OR1J2: variants seen among roughly 807,000 people sequenced by gnomAD.
The protein encoded by OR1J2 is olfactory receptor family 1 subfamily J member 2.
For missense variants in OR1J2, 304 were observed against 246.1 expected, an observed-to-expected ratio of 1.24 and a Z score of -1.57; for synonymous variants, 142 against 99.7, an observed-to-expected ratio of 1.42 and a Z score of -2.52.
the OR1J2 span, among the ~76,000 whole-genome samples, chr9:122,474,554 C>T: frequency 6.6e-6 from 1 of 152,114 alleles, no homozygotes; most frequent in Non-Finnish European, 1.5e-5. Flanking sequence ...GTGAAAGTTG[C>T]AGGTATCAGG....
chr9:122,479,427 A>G, the OR1J2 span, among the ~76,000 whole-genome samples: 1 of 152,332 alleles, frequency 6.6e-6, no homozygotes, highest in South Asian at 2.1e-4. Flanking sequence ...TCATTTCTAT[A>G]TGACATCAGA....
At chr9:122,545,456 C>T in the OR1J2 span, among the ~76,000 whole-genome samples, 2 of 152,066 alleles carry the variant, frequency 1.3e-5, no homozygotes, top group African/African-American at 4.8e-5. Context: ...CCATTTCTCC[C>T]TTTAATTCTT....
the OR1J2 span, chr9:122,553,812 A>C: frequency 6.8e-6 from 11 of 1,613,904 alleles, no homozygotes; most frequent in South Asian, 9.9e-5. Flanking sequence ...AAACGAGCTG[A>C]TGATCATCAC....
chr9:122,553,925 G>T, the OR1J2 span: 1 of 1,613,862 alleles, frequency 6.2e-7, no homozygotes, highest in Admixed American at 1.7e-5. Flanking sequence ...GAGGGAGATG[G>T]AAGGCCTTCT....
downstream of OR1J2, among the ~76,000 whole-genome samples, chr9:122,513,373 G>A (rs1828662599): frequency 6.6e-6 from 1 of 152,156 alleles, no homozygotes; most frequent in Non-Finnish European, 1.5e-5. Context: ...ATCTATGTGT[G>A]GAATATTGCA....
the OR1J2 span, among the ~76,000 whole-genome samples, chr9:122,479,102 C>A: frequency 6.6e-6 from 1 of 152,088 alleles, no homozygotes; most frequent in South Asian, 2.1e-4. Context: ...CAATGTGTAG[C>A]GCGAAAACAT....
the OR1J2 span, among the ~76,000 whole-genome samples, chr9:122,499,670 A>G: frequency 6.6e-6 from 1 of 152,234 alleles, no homozygotes. Flanking sequence ...CCAGGTGAAC[A>G]GGTGCTCTGA....
At chr9:122,563,752 C>T in the OR1J2 span, among the ~76,000 whole-genome samples, 9 of 152,242 alleles carry the variant, frequency 5.9e-5, no homozygotes, top group Non-Finnish European at 1.3e-4. Context: ...TCAGGTCTTA[C>T]AGTCAAGTTG....
chr9:122,498,228 GTTGT>G, the OR1J2 span, among the ~76,000 whole-genome samples: 2 of 152,036 alleles, frequency 1.3e-5, no homozygotes, highest in Non-Finnish European at 1.5e-5. Context: ...TATTTTCCAG[GTTGT>G]TTGTTTGTTT....
At chr9:122,545,434 T>G in the OR1J2 span, among the ~76,000 whole-genome samples, 1 of 152,176 alleles carries the variant, frequency 6.6e-6, no homozygotes, top group African/African-American at 2.4e-5. Context: ...CTAGATATAA[T>G]TGTGTAATTT....
At chr9:122,523,315 C>T in the OR1J2 span, among the ~76,000 whole-genome samples, 1 of 152,028 alleles carries the variant, frequency 6.6e-6, no homozygotes, top group Non-Finnish European at 1.5e-5. Flanking sequence ...GACAGGGAGA[C>T]AAAGACTATA....
chr9:122,459,585 C>T, the OR1J2 span, among the ~76,000 whole-genome samples: 5 of 152,122 alleles, frequency 3.3e-5, no homozygotes, highest in African/African-American at 1.2e-4. Flanking sequence ...TTATGCTTCC[C>T]TCTTTGGATG....
the OR1J2 span, among the ~76,000 whole-genome samples, chr9:122,525,518 T>G: frequency 6.6e-6 from 1 of 152,152 alleles, no homozygotes; most frequent in Non-Finnish European, 1.5e-5. Context: ...CCATTTACCT[T>G]CAAACATCAT....
chr9:122,509,018 A>G (rs1828583099), upstream of OR1J2, among the ~76,000 whole-genome samples: 1 of 152,154 alleles, frequency 6.6e-6, no homozygotes. Flanking sequence ...ACATCTTCGA[A>G]TACGTCTCTG....
the OR1J2 span, chr9:122,567,960 T>C: frequency 1.1e-3 from 1,843 of 1,614,008 alleles, 17 homozygotes; most frequent in African/African-American, 0.021. Context: ...GTGGATAACA[T>C]TGGAGTCACA....
chr9:122,506,474 T>A (rs1283361567), upstream of OR1J2, among the ~76,000 whole-genome samples: 1 of 152,144 alleles, frequency 6.6e-6, no homozygotes, highest in Non-Finnish European at 1.5e-5. Flanking sequence ...AGGAATGAGT[T>A]TGTACTTGTA....
the OR1J2 span, chr9:122,526,401 G>A: frequency 6.6e-7 from 1 of 1,509,912 alleles, no homozygotes; most frequent in Non-Finnish European, 8.8e-7. Flanking sequence ...CCTCTTTAGG[G>A]CCCCCTTCAT....
the OR1J2 span, among the ~76,000 whole-genome samples, chr9:122,537,508 G>T: frequency 6.6e-6 from 1 of 152,094 alleles, no homozygotes; most frequent in African/African-American, 2.4e-5. Context: ...TTTTGCTTCA[G>T]GTTACCTTGG....
the OR1J2 span, among the ~76,000 whole-genome samples, chr9:122,560,935 C>G: frequency 6.6e-6 from 1 of 152,138 alleles, no homozygotes; most frequent in African/African-American, 2.4e-5. Flanking sequence ...CATCTTGGTT[C>G]CATTCTTCCC....
Sources: allele counts gnomAD v4.1 joint callset (sites outside exome capture counted in the v4.1 genomes callset), GRCh38; gene constraint gnomAD v4.1.1; transcripts MANE v1.5; gene names NCBI Gene and HGNC (gene_info 2026-07-23, HGNC 2026-07-21).